Variants in USH2A observed in about 807,000 individuals in gnomAD.
USH2A encodes the protein usherin, also known as Usher syndrome 2A (autosomal recessive, mild).
Under a neutral mutation model 538.9 loss-of-function variants are expected in USH2A, and 443 were observed. That is an observed-to-expected ratio of 0.82 (90% CI 0.76 to 0.89). The LOEUF (loss-of-function observed/expected upper bound fraction) is 0.89. Among genes scored for constraint, USH2A ranks in the 40% least tolerant of loss-of-function variants. The pLI, the probability that USH2A is intolerant of heterozygous loss-of-function variation, is 0.00. For synonymous variants in USH2A, 2,413 were observed against 2,273.5 expected, an observed-to-expected ratio of 1.06 and a Z score of -1.75; for missense variants, 6,633 against 6,324.8, an observed-to-expected ratio of 1.05 and a Z score of -1.65.
intron 54 of USH2A, among the ~76,000 whole-genome samples, 166 bp downstream of exon 54, chr1:215,781,876 G>A (rs1275586064): frequency 5.3e-5 from 8 of 152,106 alleles, no homozygotes; most frequent in Non-Finnish European, 8.8e-5. Flanking sequence ...TCTCCTTCCA[G>A]CCATAGGTAT....
intron 58 of USH2A, among the ~76,000 whole-genome samples, chr1:215,750,224 T>C (rs987548248): frequency 5.3e-5 from 8 of 152,178 alleles, no homozygotes; most frequent in Non-Finnish European, 1.0e-4. Context: ...TGATTAGGCC[T>C]TTTTGGGGGA....
intron 61 of USH2A, among the ~76,000 whole-genome samples, chr1:215,695,539 A>T (rs916909231): frequency 2.0e-5 from 3 of 152,210 alleles, no homozygotes; most frequent in Non-Finnish European, 4.4e-5. Flanking sequence ...AAAGGTGGGA[A>T]TTGGCAGTAA....
chr1:215,925,217 A>C, intron 38 of USH2A, among the ~76,000 whole-genome samples: 1 of 152,162 alleles, frequency 6.6e-6, no homozygotes, highest in East Asian at 1.9e-4. Context: ...ATTTGAGAGC[A>C]TGTTTAAGAC....
chr1:215,970,248 T>G (rs551282881), intron 36 of USH2A, among the ~76,000 whole-genome samples: 1 of 152,188 alleles, frequency 6.6e-6, no homozygotes, highest in Non-Finnish European at 1.5e-5. Flanking sequence ...GTGGCACTTA[T>G]GGACTTTCAA....
chr1:216,242,409 T>C (rs2102538825), intron 13 of USH2A, among the ~76,000 whole-genome samples: 1 of 151,694 alleles, frequency 6.6e-6, no homozygotes, highest in African/African-American at 2.4e-5. Context: ...TAATTCCTTG[T>C]ACATTGTGGG....
chr1:215,974,651 G>A (rs1050182457), intron 35 of USH2A, among the ~76,000 whole-genome samples: 1 of 152,100 alleles, frequency 6.6e-6, no homozygotes, highest in African/African-American at 2.4e-5. Context: ...CATAGATGTT[G>A]CTGCAAAAGA....
chr1:215,842,609 C>T (rs575146128), intron 46 of USH2A, among the ~76,000 whole-genome samples: 1 of 152,184 alleles, frequency 6.6e-6, no homozygotes, highest in East Asian at 1.9e-4. Context: ...ACATGTACAC[C>T]ATGGAATACC....
intron 21 of USH2A, among the ~76,000 whole-genome samples, chr1:216,149,945 G>T (rs573326338): frequency 1.3e-5 from 2 of 152,026 alleles, no homozygotes; most frequent in Non-Finnish European, 2.9e-5. Context: ...CCTGGAAGTC[G>T]CAAGTACTCT....
chr1:215,984,545 TCC>T (rs1466628378), intron 35 of USH2A, among the ~76,000 whole-genome samples: 1 of 152,174 alleles, frequency 6.6e-6, no homozygotes, highest in East Asian at 1.9e-4. Context: ...ATAAAGCATA[TCC>T]ACTGGGATAT....
At position 215,674,179 on chromosome 1, in the gene USH2A, T is replaced by C. The variant is rs765354805; in HGVS notation, c.13732A>G (p.Lys4578Glu). 4.3e-5 allele frequency: 70 copies of C among 1,614,058 alleles called. No individual in the cohort carries two copies. Among genetic ancestry groups the C allele is most frequent in the Admixed American group, 1.3e-4 (8 of 59,998 alleles). ...FIRELFERETKIIHINTTHNS... is the reference protein window; with the variant it reads ...FIRELFERETEIIHINTTHNS... ...TGAGTTGTGTTTATGTGTATGATTT[T>C]AGTTTCTCTTTCAAATAGTTCACGG... The change falls in exon 63 of 72, where the codon AAA becomes GAA. Residue 4578 changes from lysine (K) to glutamate (E), a missense_variant. Coordinates refer to ENST00000307340, the MANE Select transcript of USH2A (RefSeq NM_206933.4).
At chr1:215,851,283 A>C (rs7513859) in intron 44 of USH2A, among the ~76,000 whole-genome samples, 22,758 of 152,142 alleles carry the variant, frequency 0.15, 2,008 homozygotes, top group African/African-American at 0.24. Flanking sequence ...AAGATAAATA[A>C]AATTGACAGA....
intron 24 of USH2A, 99 bp from the exon 25 acceptor site, chr1:216,084,976 C>T (rs1322318199): frequency 4.5e-6 from 5 of 1,114,382 alleles, no homozygotes; most frequent in Non-Finnish European, 6.6e-6. Context: ...TAGGCACTAG[C>T]TCTCACTACC....
rs540368733 is a variant in USH2A, at chr1:215,854,866, T to C, written c.8846-8833A>G. ...TGTGCTCGACAAAGAAAAGGGCAGA[T>C]GGAGCCACTATGTTGAACATGCCTT... On this transcript the variant is annotated intron_variant, in intron 44 of 71. Transcript: ENST00000307340. 3.3e-5 allele frequency among the ~76,000 whole-genome samples: 5 copies of C among 152,344 alleles called. No homozygotes were observed. In the South Asian group the frequency reaches 8.3e-4, roughly 25 times the overall value.
chr1:215,855,411 A>G (rs1205241809), intron 44 of USH2A, among the ~76,000 whole-genome samples: 7 of 152,196 alleles, frequency 4.6e-5, no homozygotes, highest in Admixed American at 3.9e-4. Flanking sequence ...TGCAAAAATA[A>G]AAAGTAAAAT....
chr1:215,807,967 C>T (rs1184648414), intron 49 of USH2A, among the ~76,000 whole-genome samples: 1 of 151,958 alleles, frequency 6.6e-6, no homozygotes, highest in African/African-American at 2.4e-5. Flanking sequence ...AACATTAATA[C>T]CCTGCTAATA....
At chr1:216,114,758 C>A (rs1490978663) in intron 21 of USH2A, among the ~76,000 whole-genome samples, 1 of 152,038 alleles carries the variant, frequency 6.6e-6, no homozygotes. Flanking sequence ...CAATAGCAAC[C>A]AACACGTCAA....
intron 25 of USH2A, among the ~76,000 whole-genome samples, chr1:216,084,386 A>T (rs926227013): frequency 1.3e-5 from 2 of 152,170 alleles, no homozygotes; most frequent in African/African-American, 4.8e-5. Flanking sequence ...CATTCTAAGT[A>T]CACCTCTCTA....
chr1:216,174,624 T>C, intron 21 of USH2A: 1 of 984,330 alleles, frequency 1.0e-6, no homozygotes, highest in South Asian at 4.7e-5. Flanking sequence ...TTAAATTTTG[T>C]GACCGAAACA....
intron 61 of USH2A, among the ~76,000 whole-genome samples, chr1:215,698,023 T>C (rs1200334486): frequency 3.9e-5 from 6 of 152,178 alleles, no homozygotes; most frequent in African/African-American, 1.4e-4. Context: ...TTCCCCTCCC[T>C]GTGCCCATAT....
Sources: gnomAD v4.1 joint callset for allele counts (sites outside exome capture counted in the v4.1 genomes callset) on GRCh38, gnomAD v4.1.1 for gene constraint, MANE v1.5 for transcripts, NCBI Gene and HGNC (gene_info 2026-07-23, HGNC 2026-07-21) for gene names.